IFT52: variants seen among roughly 807,000 people sequenced by gnomAD.
The protein encoded by IFT52 is intraflagellar transport 52, also known as intraflagellar transport protein 52 homolog.
In IFT52, 44 loss-of-function variants were observed where a neutral mutation model predicts 54.4. That is an observed-to-expected ratio of 0.81 (90% CI 0.63 to 1.04). The LOEUF (loss-of-function observed/expected upper bound fraction) is 1.04. Ranked by LOEUF, IFT52 falls within the 50% of genes least tolerant of loss-of-function variation. The pLI is 0.00. For missense variants in IFT52, 452 were observed against 523.6 expected (o/e 0.86, Z 1.33); for synonymous variants, 181 against 185.3 (o/e 0.98, Z 0.19).
At chr20:43,592,529 G>A (rs1981612342) in intron 1 of IFT52, among the ~76,000 whole-genome samples, 1 of 151,386 alleles carries the variant, frequency 6.6e-6, no homozygotes, top group Non-Finnish European at 1.5e-5. Context: ...AGCCGAGATC[G>A]TGCCACTGCA....
intron 3 of IFT52, among the ~76,000 whole-genome samples, chr20:43,597,890 CAAAAAAA>C (rs36068236): frequency 3.9e-5 from 4 of 102,034 alleles, no homozygotes; most frequent in Admixed American, 3.7e-4. Context: ...GAGACTCTTT[CAAAAAAA>C]AAAAAAAAAA....
chr20:43,620,621 A>T (rs1038596873), intron 8 of IFT52, among the ~76,000 whole-genome samples: 4 of 152,202 alleles, frequency 2.6e-5, no homozygotes, highest in African/African-American at 9.6e-5. Context: ...GCGCCACCGC[A>T]CTCTAACCAG....
chr20:43,615,117 A>G (rs565729968), intron 7 of IFT52, among the ~76,000 whole-genome samples: 78 of 151,766 alleles, frequency 5.1e-4, no homozygotes, highest in Non-Finnish European at 4.4e-5. Flanking sequence ...GCTGGAGTGC[A>G]GTGGCGCAAT....
At chr20:43,615,730 A>G (rs1054781182) in intron 7 of IFT52, among the ~76,000 whole-genome samples, 2 of 152,086 alleles carry the variant, frequency 1.3e-5, no homozygotes, top group Admixed American at 6.5e-5. Flanking sequence ...CGAGGTCAGG[A>G]GATTGAGACC....
chr20:43,628,973 C>T (rs1414357140), intron 10 of IFT52, among the ~76,000 whole-genome samples: 6 of 152,154 alleles, frequency 3.9e-5, no homozygotes, highest in Non-Finnish European at 7.4e-5. Flanking sequence ...GCCAGTCCCA[C>T]GGGAGGTTAG....
At chr20:43,646,606 G>T (rs1256997086) in intron 13 of IFT52, among the ~76,000 whole-genome samples, 2 of 152,148 alleles carry the variant, frequency 1.3e-5, no homozygotes, top group Non-Finnish European at 2.9e-5. Context: ...GGGAGGTCAG[G>T]TAGGTTCCCA....
At chr20:43,603,610 T>C in intron 3 of IFT52, 150 bp from the exon 4 acceptor site, 1 of 656,110 alleles carries the variant, frequency 1.5e-6, no homozygotes, top group Non-Finnish European at 2.5e-6. Flanking sequence ...AGATCCTACA[T>C]AGAGAGTACT....
chr20:43,622,649 A>T (rs1305924813), intron 9 of IFT52, among the ~76,000 whole-genome samples: 2 of 147,638 alleles, frequency 1.4e-5, no homozygotes, highest in South Asian at 2.1e-4. Context: ...ATTTATATTT[A>T]TATATATTTT....
chr20:43,645,528 G>T (rs1986146788), intron 13 of IFT52, among the ~76,000 whole-genome samples: 1 of 53,898 alleles, frequency 1.9e-5, no homozygotes, highest in Admixed American at 2.1e-4. Context: ...CTGCACTCCA[G>T]CCTGGGTGAC....
chr20:43,624,078 A>C (rs1341101591), intron 10 of IFT52, 33 bp downstream of exon 10: 1 of 1,605,702 alleles, frequency 6.2e-7, no homozygotes. Flanking sequence ...GCCACACTGC[A>C]CTCCATTCTG....
intron 6 of IFT52, among the ~76,000 whole-genome samples, chr20:43,607,753 G>A (rs1016291138): frequency 6.6e-5 from 10 of 152,086 alleles, no homozygotes; most frequent in Admixed American, 1.3e-4. Context: ...GTGGCGGCCG[G>A]GCAGAGGCTG....
chr20:43,629,190 A>G (rs766077479), intron 10 of IFT52, among the ~76,000 whole-genome samples: 5 of 152,220 alleles, frequency 3.3e-5, no homozygotes, highest in Non-Finnish European at 5.9e-5. Flanking sequence ...AGTAACTGCT[A>G]TAATTGTGGT....
intron 7 of IFT52, 107 bp downstream of exon 7, chr20:43,614,083 C>T: frequency 3.2e-6 from 3 of 945,678 alleles, no homozygotes; most frequent in Non-Finnish European, 4.8e-6. Context: ...CACTGGTCTT[C>T]CTGCCAGTCC....
At chr20:43,596,639 A>G in intron 3 of IFT52, 117 bp downstream of exon 3, 3 of 687,242 alleles carry the variant, frequency 4.4e-6, no homozygotes, top group South Asian at 3.5e-5. Context: ...TAGTCACTTC[A>G]TCTCTCTTTT....
At chr20:43,607,238 C>T (rs1286893477) in intron 6 of IFT52, among the ~76,000 whole-genome samples, 1 of 140,548 alleles carries the variant, frequency 7.1e-6, no homozygotes, top group South Asian at 2.3e-4. Flanking sequence ...CCCTCCCGGA[C>T]GGGGCGGCTG....
chr20:43,637,006 A>C, intron 11 of IFT52, 139 bp from the exon 12 acceptor site: 2 of 583,752 alleles, frequency 3.4e-6, no homozygotes, highest in Non-Finnish European at 3.0e-6. Flanking sequence ...CAACTGAGGA[A>C]TTAAGGATGT....
chr20:43,629,825 A>C (rs1475630738), intron 10 of IFT52, among the ~76,000 whole-genome samples: 1 of 152,158 alleles, frequency 6.6e-6, no homozygotes, highest in Non-Finnish European at 1.5e-5. Context: ...TGTACTTTGC[A>C]TTATCATGTA....
chr20:43,646,439 A>G (rs2145686522), intron 13 of IFT52, among the ~76,000 whole-genome samples: 1 of 152,284 alleles, frequency 6.6e-6, no homozygotes, highest in South Asian at 2.1e-4. Context: ...GGGCCATAGC[A>G]GTGAACAAGA....
intron 7 of IFT52, among the ~76,000 whole-genome samples, chr20:43,617,960 C>T (rs541046977): frequency 6.6e-6 from 1 of 152,136 alleles, no homozygotes; most frequent in South Asian, 2.1e-4. Context: ...GTTAGCTAGG[C>T]TGGTCTTGAA....
Sources: gnomAD v4.1 joint callset for allele counts (sites outside exome capture counted in the v4.1 genomes callset) on GRCh38, gnomAD v4.1.1 for gene constraint, MANE v1.5 for transcripts, NCBI Gene and HGNC (gene_info 2026-07-23, HGNC 2026-07-21) for gene names.